TMEM178B: variants seen among roughly 807,000 people sequenced by gnomAD.
TMEM178B encodes the protein transmembrane protein 178B.
A neutral mutation model predicts 31.0 loss-of-function variants in TMEM178B; 5 were observed. The ratio of observed to expected loss-of-function variants is 0.16; its 90% CI spans 0.08 to 0.34. TMEM178B has a LOEUF of 0.34. TMEM178B is among the 10% of genes least tolerant of loss of function. The probability of loss-of-function intolerance (pLI) is 1.00; values close to 1 mark genes in which losing one functional copy is unlikely to be tolerated. For synonymous variants in TMEM178B, 164 were observed against 164.0 expected, an observed-to-expected ratio of 1.00 and a Z score of 0.00; for missense variants, 275 against 400.3, an observed-to-expected ratio of 0.69 and a Z score of 2.67.
chr7:141,104,852 G>C (rs999431856), intron 1 of TMEM178B, among the ~76,000 whole-genome samples: 1 of 152,072 alleles, frequency 6.6e-6, no homozygotes, highest in Non-Finnish European at 1.5e-5. Flanking sequence ...TTAATGACCT[G>C]GTTTTACCTT....
chr7:141,089,753 T>C (rs1471258108), intron 1 of TMEM178B, among the ~76,000 whole-genome samples: 1 of 151,832 alleles, frequency 6.6e-6, no homozygotes, highest in African/African-American at 2.4e-5. Flanking sequence ...AGCAAACTAT[T>C]GCAAGGACAA....
At chr7:141,443,498 A>T (rs969247615) in intron 3 of TMEM178B, among the ~76,000 whole-genome samples, 4 of 152,160 alleles carry the variant, frequency 2.6e-5, no homozygotes, top group African/African-American at 9.7e-5. Flanking sequence ...ATGCTCTTCT[A>T]TTGAAACTTG....
At chr7:141,411,112 G>A (rs997759835) in intron 2 of TMEM178B, among the ~76,000 whole-genome samples, 10 of 150,822 alleles carry the variant, frequency 6.6e-5, no homozygotes, top group African/African-American at 2.4e-4. Flanking sequence ...TGGAGGCTAG[G>A]GGCTGAGGAT....
At chr7:141,193,680 G>C (rs1796733460) in intron 1 of TMEM178B, among the ~76,000 whole-genome samples, 1 of 152,184 alleles carries the variant, frequency 6.6e-6, no homozygotes, top group African/African-American at 2.4e-5. Context: ...GACTGGATGG[G>C]CTCCTGTGCA....
intron 1 of TMEM178B, among the ~76,000 whole-genome samples, chr7:141,156,016 G>A (rs1476815676): frequency 6.6e-6 from 1 of 152,166 alleles, no homozygotes; most frequent in Non-Finnish European, 1.5e-5. Flanking sequence ...AGTGAGCCGA[G>A]ATCGTACCAC....
At chr7:141,487,053 G>A in the TMEM178B span, among the ~76,000 whole-genome samples, 3 of 152,204 alleles carry the variant, frequency 2.0e-5, 1 homozygote, top group African/African-American at 7.2e-5. Flanking sequence ...GAGGAATGGG[G>A]AAGAGAGCAA....
intron 1 of TMEM178B, among the ~76,000 whole-genome samples, chr7:141,080,090 A>G (rs4726259): frequency 0.3 from 46,335 of 152,206 alleles, 9,386 homozygotes; most frequent in Non-Finnish European, 0.45. Flanking sequence ...AATTGAAGTA[A>G]TGAGAGTGGC....
At chr7:141,324,419 T>G (rs113099656) in intron 2 of TMEM178B, among the ~76,000 whole-genome samples, 1,086 of 38,278 alleles carry the variant, frequency 0.028, 5 homozygotes, top group African/African-American at 0.15. Flanking sequence ...GACCAGGGTT[T>G]TTTTTTTTTT....
intron 2 of TMEM178B, among the ~76,000 whole-genome samples, chr7:141,393,776 G>A (rs746618969): frequency 2.3e-4 from 35 of 152,188 alleles, no homozygotes; most frequent in Non-Finnish European, 4.8e-4. Context: ...TCAGGGAGCC[G>A]TGTTTGGGGC....
chr7:141,246,785 A>C (rs2129194645), intron 2 of TMEM178B, among the ~76,000 whole-genome samples: 1 of 152,236 alleles, frequency 6.6e-6, no homozygotes, highest in Admixed American at 6.5e-5. Flanking sequence ...AGAGTACAGA[A>C]GGGCCTGAGT....
rs368459461 is a variant in TMEM178B at position 141,474,682 on chromosome 7, A to C, written c.*3896A>C. ...GCCTCTCCTGTGACAAGAGGGTAGG[A>C]TATCCTAGGACTCTGAGACTGGGCC... is the stretch of plus-strand genomic sequence containing the variant. On this transcript the variant is annotated 3_prime_UTR_variant, in exon 4 of 4. Transcript: ENST00000565468. 2.6e-5 allele frequency: 4 copies of C among 152,190 alleles called. No homozygotes were observed. Among genetic ancestry groups the C allele is most frequent in the African/African-American group, 7.2e-5 (3 of 41,440 alleles). The allele number at this position is 152,190 out of a possible 1,614,324, so 9.4% of individuals were successfully genotyped here. A position where few individuals can be genotyped will look rare whatever the true frequency, so the allele number is the denominator to read the frequency against.
the TMEM178B span, among the ~76,000 whole-genome samples, chr7:141,505,870 G>A: frequency 6.6e-6 from 1 of 152,180 alleles, no homozygotes; most frequent in Non-Finnish European, 1.5e-5. Flanking sequence ...TGGCCCTCAA[G>A]AGCTTCCCAA....
At chr7:141,116,204 C>G (rs186809782) in intron 1 of TMEM178B, among the ~76,000 whole-genome samples, 161 of 152,276 alleles carry the variant, frequency 1.1e-3, no homozygotes, top group Middle Eastern at 6.8e-3. Flanking sequence ...CCTCTGTTCT[C>G]ATTAGCCAGA....
At chr7:141,361,437 AG>A (rs1482383868) in intron 2 of TMEM178B, among the ~76,000 whole-genome samples, 1 of 152,232 alleles carries the variant, frequency 6.6e-6, no homozygotes, top group Non-Finnish European at 1.5e-5. Context: ...GGAGAATGAG[AG>A]GTCCTGGTTT....
intron 2 of TMEM178B, among the ~76,000 whole-genome samples, chr7:141,273,814 G>A (rs1798224211): frequency 6.6e-6 from 1 of 152,222 alleles, no homozygotes; most frequent in Admixed American, 6.5e-5. Flanking sequence ...TTTTGGTCCT[G>A]ATCTCTGGAC....
intron 2 of TMEM178B, among the ~76,000 whole-genome samples, chr7:141,227,471 C>G (rs1342486232): frequency 6.6e-6 from 1 of 152,140 alleles, no homozygotes; most frequent in South Asian, 2.1e-4. Context: ...ACTGAAATCT[C>G]AAATGTACTA....
intron 1 of TMEM178B, among the ~76,000 whole-genome samples, chr7:141,118,878 C>T (rs555786594): frequency 6.6e-6 from 1 of 152,244 alleles, no homozygotes; most frequent in South Asian, 2.1e-4. Flanking sequence ...AATCTTACTT[C>T]CTAGCAAAGT....
At chr7:141,180,426 A>G (rs1263174791) in intron 1 of TMEM178B, among the ~76,000 whole-genome samples, 1 of 143,706 alleles carries the variant, frequency 7.0e-6, no homozygotes, top group Non-Finnish European at 1.5e-5. Flanking sequence ...CACCACTGCG[A>G]TCTCCAGCCT....
the TMEM178B span, among the ~76,000 whole-genome samples, chr7:141,510,703 A>AAAAAAAAAAAAAAAAAAAG: frequency 7.0e-6 from 1 of 143,172 alleles, no homozygotes; most frequent in Non-Finnish European, 1.5e-5. Context: ...AAAAAAAAAA[A>AAAAAAAAAAAAAAAAAAAG]AAAAAAAAAG....
Sources: allele counts gnomAD v4.1 joint callset (sites outside exome capture counted in the v4.1 genomes callset), GRCh38; gene constraint gnomAD v4.1.1; transcripts MANE v1.5; gene names NCBI Gene and HGNC (gene_info 2026-07-23, HGNC 2026-07-21).